Variants in CRLF2 observed in about 807,000 individuals in gnomAD.
The protein encoded by CRLF2 is cytokine receptor-like factor 2.
Under a neutral mutation model 38.7 loss-of-function variants are expected in CRLF2, and 41 were observed. That is an observed-to-expected ratio of 1.06 (90% confidence interval 0.83 to 1.37). CRLF2 has a LOEUF of 1.37. CRLF2 is among the 40% of genes most tolerant of loss of function. The pLI is 0.00. For missense variants in CRLF2, 377 were observed against 322.2 expected (o/e 1.17, Z -1.30); for synonymous variants, 140 against 128.8 (o/e 1.09, Z -0.59).
At chrX:1,195,495 A>G (rs2086458589) in intron 6 of CRLF2, among the ~76,000 whole-genome samples, 1 of 151,392 alleles carries the variant, frequency 6.6e-6, no homozygotes, top group African/African-American at 2.4e-5. Flanking sequence ...GCAGCCTTAA[A>G]CTCCCAGGCT....
chrX:1,195,103 G>C (rs1210507831), intron 6 of CRLF2, among the ~76,000 whole-genome samples: 60 of 151,604 alleles, frequency 4.0e-4, no homozygotes, highest in African/African-American at 1.5e-3. Context: ...TGAGGCAGGA[G>C]AATTGCTTGA....
chrX:1,212,429 A>G, intron 1 of CRLF2, 127 bp downstream of exon 1: 1 of 644,526 alleles, frequency 1.6e-6, no homozygotes. Flanking sequence ...AAAAAAAAAA[A>G]AAAAAAAAAG....
rs1394726783 is a variant in CRLF2 at position 1,196,799 on chromosome X, A to T, written c.748T>A (p.Ser250Thr). 1 of 1,613,482 alleles carries T rather than the reference A, an allele frequency of 6.2e-7. No individual in the cohort carries two copies. Among genetic ancestry groups the T allele is most frequent in the Admixed American group, 1.7e-5 (1 of 59,934 alleles). The change falls in exon 6 of 8, where the codon TCT becomes ACT. Residue 250 changes from serine to threonine, a missense_variant. Coordinates refer to ENST00000400841, the MANE Select transcript of CRLF2 (RefSeq NM_022148.4). The stretch of plus-strand genomic sequence containing the variant: ...CCTTACCTCCATAATTTCCATAAAG[A>T]CAGAAGGAGGAGAGACACCATCAGA... ...ILLMVSLLLL[S>T]LWKLWRVKKF...
At position 1,212,620 on chromosome X, in the gene CRLF2, A is replaced by G; in HGVS notation, c.15T>C (p.Val5=). 1.2e-6 allele frequency: 2 copies of G among 1,612,506 alleles called. No individual in the cohort carries two copies. Among genetic ancestry groups the G allele is most frequent in the Non-Finnish European group, 1.7e-6 (2 of 1,179,026 alleles). Residue 5 remains valine, a synonymous_variant, in exon 1 of 8, where the codon GTT becomes GTC. Coordinates refer to ENST00000400841, the MANE Select transcript of CRLF2 (RefSeq NM_022148.4). The stretch of plus-strand genomic sequence containing the variant: ...GAAAGACGGCAGCTCCCCACAGCAG[A>G]ACCAGCCGCCCCATGCCTGAAACAG... The part of the protein sequence containing the change: MGRL[V]LLWGAAVFLL...
rs374874204 is a variant in CRLF2 at position 1,212,628 on chromosome X, G to T, written c.7C>A (p.Arg3=). 9.3e-6 allele frequency: 15 copies of T among 1,611,072 alleles called. No individual in the cohort carries two copies. The highest frequency in any genetic ancestry group is 2.7e-5 in the African/African-American group (2 of 74,630). The change falls in exon 1 of 8, where the codon CGG becomes AGG. Residue 3 remains arginine, a synonymous_variant. Coordinates refer to ENST00000400841, the MANE Select transcript of CRLF2 (RefSeq NM_022148.4). MG[R]LVLLWGAAVF... Reference sequence around the variant, plus strand: ...GCAGCTCCCCACAGCAGAACCAGCCGCCCCATGCCTGAAACAGGAGTGGAG... The same window carrying T: ...GCAGCTCCCCACAGCAGAACCAGCCTCCCCATGCCTGAAACAGGAGTGGAG...
chrX:1,191,684 AC>A (rs2086383615), intron 7 of CRLF2, among the ~76,000 whole-genome samples: 1 of 151,482 alleles, frequency 6.6e-6, no homozygotes, highest in Admixed American at 6.6e-5. Flanking sequence ...GACGTGCACC[AC>A]CACACACGGC....
intron 7 of CRLF2, among the ~76,000 whole-genome samples, 185 bp from the exon 8 acceptor site, chrX:1,191,345 C>CTTT (rs1170193719): frequency 0.14 from 15,513 of 109,840 alleles, 1,982 homozygotes; most frequent in East Asian, 0.21. Context: ...TTCTTTCTTT[C>CTTT]CTTCTTTCTT....
chrX:1,192,975 G>A lies in CRLF2; in HGVS notation c.852+243C>T, dbSNP rs1207608110. 1.7e-4 allele frequency among the ~76,000 whole-genome samples: 25 copies of A among 151,112 alleles called. No homozygotes were observed. The East Asian group carries it at 2.6e-3, about 16-fold the overall frequency. ...ATTACAGGAGTGAGCCAGCACGCCC[G>A]GCTAATCCTTGTATTTTTAGTAGAG... On this transcript the variant is annotated intron_variant, in intron 7 of 7. Coordinates refer to ENST00000400841, the MANE Select transcript of CRLF2 (RefSeq NM_022148.4).
chrX:1,211,461 GTGGATGGGTGGA>G (rs1221040325), intron 1 of CRLF2, among the ~76,000 whole-genome samples: 20 of 93,998 alleles, frequency 2.1e-4, no homozygotes, highest in East Asian at 3.2e-4. Context: ...GGATGGATGG[GTGGATGGGTGGA>G]TGGATGGATG....
chrX:1,210,590 A>G (rs113652413), intron 1 of CRLF2, among the ~76,000 whole-genome samples: 15 of 152,278 alleles, frequency 9.9e-5, no homozygotes, highest in Middle Eastern at 3.4e-3. Flanking sequence ...GATTACAGGC[A>G]TGAGCCACAG....
chrX:1,197,751 T>C (rs9785491), intron 5 of CRLF2, among the ~76,000 whole-genome samples: 4,219 of 150,998 alleles, frequency 0.028, 191 homozygotes, highest in African/African-American at 0.098. Context: ...GAGGCGGAGG[T>C]TGCAGTGAGC....
chrX:1,192,149 G>T (rs1464768753), intron 7 of CRLF2, among the ~76,000 whole-genome samples: 2 of 141,772 alleles, frequency 1.4e-5, no homozygotes, highest in Admixed American at 1.5e-4. Context: ...AGCTTGCAGT[G>T]AGCCGAGATC....
chrX:1,192,217 A>AAT (rs2086397064), intron 7 of CRLF2, among the ~76,000 whole-genome samples: 1 of 138,560 alleles, frequency 7.2e-6, no homozygotes, highest in Non-Finnish European at 1.6e-5. Context: ...AAAAAAAAAA[A>AAT]AAACAAAAAA....
At chrX:1,199,816 G>T (rs1373656885) in intron 4 of CRLF2, among the ~76,000 whole-genome samples, 6 of 151,586 alleles carry the variant, frequency 4.0e-5, no homozygotes, top group East Asian at 3.9e-4. Flanking sequence ...TGTGTATAAG[G>T]TGTGTGTATA....
intron 6 of CRLF2, among the ~76,000 whole-genome samples, chrX:1,195,817 A>ATAT (rs2086463589): frequency 7.4e-6 from 1 of 134,762 alleles, no homozygotes; most frequent in African/African-American, 2.7e-5. Context: ...ATATTAAATT[A>ATAT]TATATATTAT....
intron 1 of CRLF2, among the ~76,000 whole-genome samples, chrX:1,210,207 T>A (rs1433610592): frequency 6.6e-6 from 1 of 151,772 alleles, no homozygotes; most frequent in Non-Finnish European, 1.5e-5. Context: ...TAGACTTCAG[T>A]AGGTTTGATG....
intron 3 of CRLF2, among the ~76,000 whole-genome samples, chrX:1,204,921 G>A (rs2086666165): frequency 6.6e-6 from 1 of 152,078 alleles, no homozygotes; most frequent in African/African-American, 2.4e-5. Flanking sequence ...CCAGGTTCAA[G>A]CAATTTCCCT....
intron 2 of CRLF2, among the ~76,000 whole-genome samples, chrX:1,207,469 G>A (rs1408418189): frequency 2.7e-5 from 4 of 147,926 alleles, no homozygotes; most frequent in South Asian, 4.3e-4. Context: ...TGTTGGCCAG[G>A]CTGGTCTTGA....
chrX:1,208,597 G>C (rs2086732754), intron 2 of CRLF2, among the ~76,000 whole-genome samples: 1 of 152,164 alleles, frequency 6.6e-6, no homozygotes, highest in African/African-American at 2.4e-5. Flanking sequence ...AGTTGATTTT[G>C]ACAGTGAGTC....
Sources: allele counts gnomAD v4.1 joint callset (sites outside exome capture counted in the v4.1 genomes callset), GRCh38; gene constraint gnomAD v4.1.1; transcripts MANE v1.5; gene names NCBI Gene and HGNC (gene_info 2026-07-23, HGNC 2026-07-21).